Variants in RTRAF observed in about 807,000 individuals in gnomAD.
RTRAF encodes the protein tRNA-splicing ligase complex subunit RTRAF.
Under a neutral mutation model 34.4 loss-of-function variants are expected in RTRAF, and 14 were observed. That is an observed-to-expected ratio of 0.41 (90% CI 0.27 to 0.64). The LOEUF (loss-of-function observed/expected upper bound fraction) is 0.64, where lower values mean the gene tolerates loss of function less well. Among genes scored for constraint, RTRAF ranks in the 30% least tolerant of loss-of-function variants. RTRAF has a pLI of 0.34. For missense variants in RTRAF, 291 were observed against 288.4 expected (o/e 1.01, Z -0.06); for synonymous variants, 96 against 95.3 (o/e 1.01, Z -0.04).
In RTRAF at chr14:52,007,764, C is replaced by T. The variant is rs752505774; in HGVS notation, c.*3248C>T. On this transcript the variant is annotated 3_prime_UTR_variant, in exon 8 of 8. Coordinates refer to ENST00000261700, the MANE Select transcript of RTRAF (RefSeq NM_016039.3). ...AGTAAAATCTGTTAGTGCTCACATT[C>T]ACTGTGATGAGAGGTTATCTATTTG... 2 of 1,498,044 alleles carry T rather than the reference C, an allele frequency of 1.3e-6. No homozygotes were observed. Among genetic ancestry groups the T allele is most frequent in the East Asian group, 4.5e-5 (2 of 44,200 alleles). 92.8% of individuals were successfully genotyped at this position (1,498,044 alleles called of 1,614,324 possible).
Position 52,008,163 on chromosome 14 carries a change from A to T in RTRAF, c.*3647A>T, listed in dbSNP as rs140676356. 2,148 of 466,580 alleles carry T rather than the reference A, an allele frequency of 4.6e-3. 7 individuals are homozygous for T. The highest frequency in any genetic ancestry group is 6.0e-3 in the Non-Finnish European group (1,599 of 267,210). 28.9% of individuals were successfully genotyped at this position (466,580 alleles called of 1,614,324 possible). A position where few individuals can be genotyped will look rare whatever the true frequency, so the allele number is the denominator to read the frequency against. Reference sequence around the variant, plus strand: ...CAGAAGTGATAGGCTATCACTGCCGATATTCGGTCTCAAAAAACTGGTTTC... The same window carrying T: ...CAGAAGTGATAGGCTATCACTGCCGTTATTCGGTCTCAAAAAACTGGTTTC... On this transcript the variant is annotated 3_prime_UTR_variant, in exon 8 of 8. Transcript: ENST00000261700.
chr14:52,002,955 C>A (rs1693190), intron 6 of RTRAF, among the ~76,000 whole-genome samples: 152,369 of 152,370 alleles, frequency 1, 76,184 homozygotes, highest in Non-Finnish European at 1. Context: ...TTTCACCCTC[C>A]CTATAGAACA....
Position 52,007,698 on chromosome 14 carries a change from G to A in RTRAF, c.*3182G>A, listed in dbSNP as rs781639369. ...ATTTACTAGTACTTAAAAGTTTACA[G>A]ACCAAAGAAAGGAGATCTAAGTGAT... On this transcript the variant is annotated 3_prime_UTR_variant, in exon 8 of 8. Coordinates refer to ENST00000261700, the MANE Select transcript of RTRAF (RefSeq NM_016039.3). The A allele has an allele frequency of 5.2e-5, 52 of 994,924 alleles. No homozygotes were observed. Among genetic ancestry groups the A allele is most frequent in the Non-Finnish European group, 7.4e-5 (48 of 652,892 alleles). The allele number at this position is 994,924 out of a possible 1,614,324, so 61.6% of individuals were successfully genotyped here.
intron 3 of RTRAF, among the ~76,000 whole-genome samples, chr14:51,995,726 C>T (rs1033318362): frequency 2.0e-5 from 3 of 151,818 alleles, no homozygotes; most frequent in African/African-American, 7.3e-5. Context: ...TTTGCTGATG[C>T]CTCAGACTTA....
chr14:51,995,940 T>C (rs774913201), intron 3 of RTRAF, among the ~76,000 whole-genome samples: 43 of 152,320 alleles, frequency 2.8e-4, no homozygotes, highest in Non-Finnish European at 5.3e-4. Flanking sequence ...GTAGGAATTG[T>C]ATATGAGCCA....
At position 52,001,778 on chromosome 14, in the gene RTRAF, A is replaced by C. The variant is rs542676370; in HGVS notation, c.463-20A>C. The C allele has an allele frequency of 2.5e-6, 4 of 1,608,424 alleles. No individual in the cohort carries two copies. The highest frequency in any genetic ancestry group is 1.7e-6 in the Non-Finnish European group (2 of 1,176,772). On this transcript the variant is annotated intron_variant, in intron 5 of 7. Transcript: ENST00000261700. ...AGGTACACAGCCTATAAAAAGTAAA[A>C]ATATTTTTGGGTTTCTTAGGCAATT...
rs145880574 is a variant in RTRAF, at chr14:52,003,742, A to G, written c.532-452A>G. Among the ~76,000 whole-genome samples, 1,422 of 152,362 alleles carry G rather than the reference A, an allele frequency of 9.3e-3. 17 individuals carry two copies. Among genetic ancestry groups the G allele is most frequent in the African/African-American group, 0.033 (1,363 of 41,578 alleles). On this transcript the variant is annotated intron_variant, in intron 6 of 7. Coordinates refer to ENST00000261700, the MANE Select transcript of RTRAF (RefSeq NM_016039.3). Reference sequence around the variant, plus strand: ...ATTATACATAATCTTGGCAAACACCATGCTGGCTGAAAGGTTCGTACAATT... The same window carrying G: ...ATTATACATAATCTTGGCAAACACCGTGCTGGCTGAAAGGTTCGTACAATT...
chr14:52,003,776 CAAATT>C (rs1453805723), intron 6 of RTRAF, among the ~76,000 whole-genome samples: 4 of 152,154 alleles, frequency 2.6e-5, no homozygotes, highest in Non-Finnish European at 4.4e-5. Flanking sequence ...TTTGTAAAGA[CAAATT>C]AATGTGCTCA....
chr14:52,001,819 G>T lies in RTRAF; in HGVS notation c.484G>T (p.Glu162Ter). The T allele has an allele frequency of 6.2e-7, 1 of 1,612,344 alleles. No homozygotes were observed. The highest frequency in any genetic ancestry group is 1.1e-5 in the South Asian group (1 of 90,836). ...MLKAIRILVQ[E>*]RLTQDAVAKA... ...TTAGGCAATTCGGATTTTGGTTCAG[G>T]AGCGCCTGACACAGGATGCAGTTGC... Residue 162 changes from glutamate to a stop codon, truncating the protein, a stop_gained, in exon 6 of 8, where the codon GAG (glutamate) becomes TAG (stop). Transcript: ENST00000261700. LOFTEE classifies it high-confidence loss of function.
At position 52,006,590 on chromosome 14, in the gene RTRAF, G is replaced by A. The variant is rs769512602; in HGVS notation, c.*2074G>A. ...CTGCATAGCTTACGATGCTGAAGGG[G>A]TACTTGAGGTTGTTTTGAATGACAC... is the stretch of plus-strand genomic sequence containing the variant. On this transcript the variant is annotated 3_prime_UTR_variant, in exon 8 of 8. Transcript: ENST00000261700. 3 of 1,613,874 alleles carry A rather than the reference G, an allele frequency of 1.9e-6. No homozygotes were observed. The highest frequency in any genetic ancestry group is 2.5e-6 in the Non-Finnish European group (3 of 1,179,800).
At position 52,004,625 on chromosome 14, in the gene RTRAF, A is replaced by ATTGGGTATGTTCTAGAGATTT; in HGVS notation, c.*110_*130dup. The ATTGGGTATGTTCTAGAGATTT allele has an allele frequency of 9.1e-7, 1 of 1,104,162 alleles. No homozygotes were observed. The highest frequency in any genetic ancestry group is 1.3e-6 in the Non-Finnish European group (1 of 781,528). The allele number at this position is 1,104,162 out of a possible 1,614,324, so 68.4% of individuals were successfully genotyped here. A position where few individuals can be genotyped will look rare whatever the true frequency, so the allele number is the denominator to read the frequency against. Reference sequence around the variant, plus strand: ...ATTCTCGGGGGAGGAAGCCCAGAAAATTGGGTATGTTCTAGAGATTTACCA... The same window carrying ATTGGGTATGTTCTAGAGATTT: ...ATTCTCGGGGGAGGAAGCCCAGAAAATTGGGTATGTTCTAGAGATTTTTGGGTATGTTCTAGAGATTTACCA... On this transcript the variant is annotated 3_prime_UTR_variant, in exon 8 of 8. Coordinates refer to ENST00000261700, the MANE Select transcript of RTRAF (RefSeq NM_016039.3).
chr14:51,990,199 C>T (rs1345055596), intron 1 of RTRAF, among the ~76,000 whole-genome samples: 1 of 152,156 alleles, frequency 6.6e-6, no homozygotes, highest in Non-Finnish European at 1.5e-5. Context: ...GAAATCAGGA[C>T]CGATCACAGT....
rs1594983397 is a variant in RTRAF, at chr14:51,989,835, C to G, written c.61+135C>G. Reference sequence around the variant, plus strand: ...CCGGCAGCCTCCGGGCCCCTCTCCTCTGGGTCGCCACGTACCTCGGCTCTT... The same window carrying G: ...CCGGCAGCCTCCGGGCCCCTCTCCTGTGGGTCGCCACGTACCTCGGCTCTT... On this transcript the variant is annotated intron_variant, in intron 1 of 7. Transcript: ENST00000261700. The G allele has an allele frequency of 8.6e-6, 7 of 818,118 alleles. No homozygotes were observed. The East Asian group carries it at 2.1e-4, about 24-fold the overall frequency. 50.7% of individuals were successfully genotyped at this position (818,118 alleles called of 1,614,324 possible).
chr14:52,003,375 C>G (rs539829399), intron 6 of RTRAF, among the ~76,000 whole-genome samples: 1 of 152,190 alleles, frequency 6.6e-6, no homozygotes, highest in East Asian at 1.9e-4. Context: ...TTTCTTCAGA[C>G]TTACATGTGT....
intron 3 of RTRAF, 26 bp from the exon 4 acceptor site, chr14:51,998,468 A>G (rs1216390646): frequency 7.1e-7 from 1 of 1,411,174 alleles, no homozygotes; most frequent in Non-Finnish European, 9.7e-7. Context: ...CAGTTGTACA[A>G]ATTATATTTT....
At position 52,007,512 on chromosome 14, in the gene RTRAF, C is replaced by A. The variant is rs1323715910; in HGVS notation, c.*2996C>A. The A allele has an allele frequency of 1.4e-5, 5 of 353,930 alleles. No individual in the cohort carries two copies. The highest frequency in any genetic ancestry group is 2.6e-5 in the Non-Finnish European group (5 of 194,032). The allele number at this position is 353,930 out of a possible 1,614,324, so 21.9% of individuals were successfully genotyped here. On this transcript the variant is annotated 3_prime_UTR_variant, in exon 8 of 8. Coordinates refer to ENST00000261700, the MANE Select transcript of RTRAF (RefSeq NM_016039.3). ...CCCTCTCCCCGCATAAGAATAACTT[C>A]ACTTAAGTTTGTCAATTCAACAATG... is the stretch of plus-strand genomic sequence containing the variant.
intron 5 of RTRAF, among the ~76,000 whole-genome samples, chr14:52,001,179 T>C (rs1890596801): frequency 6.6e-6 from 1 of 152,224 alleles, no homozygotes; most frequent in African/African-American, 2.4e-5. Context: ...TTCACACTTA[T>C]TTTTGAGTTG....
At position 52,004,725 on chromosome 14, in the gene RTRAF, A is replaced by AATCAC. The variant is rs1372159811; in HGVS notation, c.*210_*214dup. 1 of 456,380 alleles carries AATCAC rather than the reference A, an allele frequency of 2.2e-6. No homozygotes were observed. Among genetic ancestry groups the AATCAC allele is most frequent in the Non-Finnish European group, 3.8e-6 (1 of 264,324 alleles). The allele number at this position is 456,380 out of a possible 1,614,324, so 28.3% of individuals were successfully genotyped here. On this transcript the variant is annotated 3_prime_UTR_variant, in exon 8 of 8. Transcript: ENST00000261700. ...TTATTATGTACTGTATGTTTGCATAAATCACCTTTCTCCTTTGTGGTTAAG... is the reference window on the plus strand; with the variant it reads ...TTATTATGTACTGTATGTTTGCATAAATCACATCACCTTTCTCCTTTGTGGTTAAG...
chr14:51,990,012 G>A (rs1321706141), intron 1 of RTRAF, among the ~76,000 whole-genome samples: 2 of 152,188 alleles, frequency 1.3e-5, no homozygotes, highest in African/African-American at 4.8e-5. Flanking sequence ...TCAACTCCAT[G>A]GTTCCCTGGG....
Sources: gnomAD v4.1 joint callset for allele counts (sites outside exome capture counted in the v4.1 genomes callset) on GRCh38, gnomAD v4.1.1 for gene constraint, MANE v1.5 for transcripts, NCBI Gene and HGNC (gene_info 2026-07-23, HGNC 2026-07-21) for gene names.